The following IPPK variants were observed in gnomAD, a reference collection of about 807,000 sequenced individuals.
IPPK encodes the protein inositol-pentakisphosphate 2-kinase, also known as IPK1 homolog.
In IPPK, 22 loss-of-function variants were observed where a neutral mutation model predicts 64.6. The observed-to-expected ratio is 0.34, with a 90% CI of 0.24 to 0.49. The LOEUF (loss-of-function observed/expected upper bound fraction) is 0.49. Among genes scored for constraint, IPPK ranks in the 20% least tolerant of loss-of-function variants. IPPK has a pLI of 0.99. For missense variants in IPPK, 532 were observed against 630.7 expected, an observed-to-expected ratio of 0.84 and a Z score of 1.68; for synonymous variants, 262 against 247.2, an observed-to-expected ratio of 1.06 and a Z score of -0.56.
intron 11 of IPPK, 28 bp from the exon 12 acceptor site, chr9:92,619,593 G>A (rs1453718452): frequency 2.6e-6 from 4 of 1,552,498 alleles, no homozygotes; most frequent in African/African-American, 2.7e-5. Flanking sequence ...ATCAGCTCCA[G>A]GTCACACAGG....
intron 11 of IPPK, among the ~76,000 whole-genome samples, chr9:92,633,993 C>T (rs956397137): frequency 4.6e-5 from 7 of 152,218 alleles, no homozygotes; most frequent in Admixed American, 2.0e-4. Context: ...GGAAGGAAGC[C>T]GCCCGCATAC....
At position 92,613,443 on chromosome 9, in the gene IPPK, C is replaced by A; in HGVS notation, c.*2389G>T. ...CTCAGATGTGTGGGGAGGATCCATC[C>A]CCCACCCACTGCAGCCTCACACCGA... On this transcript the variant is annotated 3_prime_UTR_variant, in exon 13 of 13. Coordinates refer to ENST00000287996, the MANE Select transcript of IPPK (RefSeq NM_022755.6). The A allele has an allele frequency of 3.0e-6, 1 of 332,178 alleles. No homozygotes were observed. Among genetic ancestry groups the A allele is most frequent in the Non-Finnish European group, 5.8e-6 (1 of 172,318 alleles). 20.6% of individuals were successfully genotyped at this position (332,178 alleles called of 1,614,324 possible).
intron 3 of IPPK, among the ~76,000 whole-genome samples, chr9:92,652,989 T>C (rs1328181943): frequency 6.6e-6 from 1 of 152,104 alleles, no homozygotes; most frequent in African/African-American, 2.4e-5. Context: ...CTCTACAGCA[T>C]TTATGGACCC....
At chr9:92,665,085 T>C (rs1852566895) in intron 1 of IPPK, among the ~76,000 whole-genome samples, 1 of 152,000 alleles carries the variant, frequency 6.6e-6, no homozygotes, top group Admixed American at 6.6e-5. Context: ...AGCTCTCCAA[T>C]GAGCTCAAAT....
In IPPK at chr9:92,644,229, T is replaced by C. The variant is rs893920479; in HGVS notation, c.505-1419A>G. 1.6e-4 allele frequency among the ~76,000 whole-genome samples: 25 copies of C among 152,302 alleles called. 1 individual carries two copies. Among genetic ancestry groups the C allele is most frequent in the Admixed American group, 1.2e-3 (19 of 15,298 alleles). ...AGTTTTGAACTCTGGAAATTGACCA[T>C]AGACTTGCAACAATCCAGGAAGCAT... On this transcript the variant is annotated intron_variant, in intron 6 of 12. Transcript: ENST00000287996.
At chr9:92,636,656 T>TA (rs11365246) in intron 9 of IPPK, among the ~76,000 whole-genome samples, 138 of 150,320 alleles carry the variant, frequency 9.2e-4, no homozygotes, top group African/African-American at 2.9e-3. Flanking sequence ...ATAATTAATT[T>TA]AAAAAAAAAA....
At chr9:92,642,118 C>T (rs1852058764) in intron 7 of IPPK, among the ~76,000 whole-genome samples, 2 of 152,230 alleles carry the variant, frequency 1.3e-5, no homozygotes, top group South Asian at 4.1e-4. Context: ...CCCCTTCAGC[C>T]CCAGGGCCTG....
intron 6 of IPPK, among the ~76,000 whole-genome samples, chr9:92,643,661 G>C (rs1308891296): frequency 6.7e-6 from 1 of 149,216 alleles, no homozygotes; most frequent in Non-Finnish European, 1.5e-5. Context: ...AAGCCCTAAA[G>C]AATATATCAC....
At chr9:92,636,742 T>C (rs1397524036) in intron 9 of IPPK, among the ~76,000 whole-genome samples, 2 of 151,890 alleles carry the variant, frequency 1.3e-5, no homozygotes, top group Non-Finnish European at 2.9e-5. Flanking sequence ...ACATGTAGAG[T>C]ATGATCTTAT....
chr9:92,652,397 C>G (rs1194279690), intron 4 of IPPK, among the ~76,000 whole-genome samples, 176 bp downstream of exon 4: 1 of 145,540 alleles, frequency 6.9e-6, no homozygotes, highest in Non-Finnish European at 1.5e-5. Context: ...TGCAGTGAGC[C>G]GAGATCGCAC....
chr9:92,664,005 G>A (rs1302601668), intron 1 of IPPK, among the ~76,000 whole-genome samples: 5 of 152,238 alleles, frequency 3.3e-5, no homozygotes, highest in African/African-American at 1.2e-4. Context: ...GGCCATGGGG[G>A]ATCCCAAATG....
chr9:92,646,330 A>G (rs1262784396), intron 6 of IPPK, among the ~76,000 whole-genome samples: 1 of 152,276 alleles, frequency 6.6e-6, no homozygotes, highest in Non-Finnish European at 1.5e-5. Flanking sequence ...ATTCTGCCCA[A>G]GCAAACATGG....
At chr9:92,657,726 C>T (rs2131458896) in intron 2 of IPPK, among the ~76,000 whole-genome samples, 1 of 152,330 alleles carries the variant, frequency 6.6e-6, no homozygotes, top group East Asian at 1.9e-4. Flanking sequence ...CGCCTGCCTG[C>T]CTCGACCCCA....
At chr9:92,619,756 A>T (rs1404845505) in intron 11 of IPPK, 191 bp from the exon 12 acceptor site, 2 of 610,426 alleles carry the variant, frequency 3.3e-6, no homozygotes, top group Non-Finnish European at 5.9e-6. Flanking sequence ...GCCAGCCCTC[A>T]GTGCCACGGG....
intron 12 of IPPK, chr9:92,618,127 T>C (rs1410317477): frequency 2.4e-6 from 1 of 419,972 alleles, no homozygotes; most frequent in African/African-American, 2.1e-5. Context: ...TGCGCACACC[T>C]TCCTGGAAGC....
chr9:92,633,998 G>A (rs968893864), intron 11 of IPPK, among the ~76,000 whole-genome samples: 2 of 152,222 alleles, frequency 1.3e-5, no homozygotes, highest in Non-Finnish European at 2.9e-5. Context: ...GAAGCCGCCC[G>A]CATACAGCCA....
intron 1 of IPPK, among the ~76,000 whole-genome samples, chr9:92,659,983 T>TCC (rs113904509): frequency 2.1e-3 from 321 of 151,904 alleles, no homozygotes; most frequent in African/African-American, 7.4e-3. Context: ...CGCTGTCCCC[T>TCC]CCCAAGCTGA....
At chr9:92,649,366 T>C in intron 5 of IPPK, 87 bp downstream of exon 5, 1 of 1,523,272 alleles carries the variant, frequency 6.6e-7, no homozygotes, top group Non-Finnish European at 9.0e-7. Flanking sequence ...CAGTGGGAAC[T>C]GGAACCCAAG....
At chr9:92,640,898 A>G in intron 7 of IPPK, 116 bp from the exon 8 acceptor site, 2 of 755,420 alleles carry the variant, frequency 2.6e-6, no homozygotes, top group Non-Finnish European at 4.7e-6. Context: ...CCGCTGGGAA[A>G]CCCAGAGTCC....
Sources: allele counts gnomAD v4.1 joint callset (sites outside exome capture counted in the v4.1 genomes callset), GRCh38; gene constraint gnomAD v4.1.1; transcripts MANE v1.5; gene names NCBI Gene and HGNC (gene_info 2026-07-23, HGNC 2026-07-21).